IMMP2L: variants seen among roughly 807,000 people sequenced by gnomAD.
The protein encoded by IMMP2L is inner mitochondrial membrane peptidase subunit 2.
A neutral mutation model predicts 19.3 loss-of-function variants in IMMP2L; 18 were observed. That is an observed-to-expected ratio of 0.93 (90% CI 0.64 to 1.38). IMMP2L has a LOEUF of 1.38. IMMP2L is among the 40% of genes most tolerant of loss of function. The probability of loss-of-function intolerance (pLI) is 0.00; values close to 1 mark genes in which losing one functional copy is unlikely to be tolerated. For missense variants in IMMP2L, 233 were observed against 218.2 expected (o/e 1.07, Z -0.43); for synonymous variants, 76 against 73.0 (o/e 1.04, Z -0.21).
chr7:110,837,582 G>C (rs543152923), intron 5 of IMMP2L, among the ~76,000 whole-genome samples: 77 of 152,082 alleles, frequency 5.1e-4, no homozygotes, highest in Non-Finnish European at 9.0e-4. Context: ...CTTCCGTAGG[G>C]TTCTATTTGG....
chr7:110,862,875 G>A (rs781670695), intron 5 of IMMP2L, among the ~76,000 whole-genome samples: 3 of 151,770 alleles, frequency 2.0e-5, no homozygotes, highest in Non-Finnish European at 2.9e-5. Context: ...GAAAATAAAC[G>A]TCTCTCCCTA....
intron 3 of IMMP2L, among the ~76,000 whole-genome samples, chr7:111,134,146 C>T (rs765157219): frequency 6.6e-6 from 1 of 151,852 alleles, no homozygotes; most frequent in Non-Finnish European, 1.5e-5. Flanking sequence ...AGAAATTTCA[C>T]AAATATGTTA....
intron 3 of IMMP2L, among the ~76,000 whole-genome samples, chr7:111,014,477 T>C (rs1368981086): frequency 6.6e-6 from 1 of 152,130 alleles, no homozygotes; most frequent in African/African-American, 2.4e-5. Context: ...TTTGAATCAC[T>C]GAACTCTGTT....
Position 111,418,812 on chromosome 7 carries a change from T to A in IMMP2L, c.239+68426A>T, listed in dbSNP as rs139566009. On this transcript the variant is annotated intron_variant, in intron 3 of 5. Transcript: ENST00000405709. Reference sequence around the variant, plus strand: ...TAAAACAAACATTTGTAAAACCACCTTTTTGTACTATGAAAATTATATTTG... The same window carrying A: ...TAAAACAAACATTTGTAAAACCACCATTTTGTACTATGAAAATTATATTTG... 1.8e-3 allele frequency among the ~76,000 whole-genome samples: 274 copies of A among 151,898 alleles called. 7 individuals carry two copies. Among genetic ancestry groups the A allele is most frequent in the African/African-American group, 6.3e-3 (262 of 41,262 alleles).
intron 2 of IMMP2L, among the ~76,000 whole-genome samples, chr7:111,507,154 A>G (rs1466073562): frequency 2.6e-5 from 4 of 152,152 alleles, no homozygotes; most frequent in African/African-American, 7.2e-5. Context: ...AGGTCTTAAT[A>G]AAGAGTCTTC....
At chr7:111,058,776 C>G (rs1793742634) in intron 3 of IMMP2L, among the ~76,000 whole-genome samples, 1 of 152,152 alleles carries the variant, frequency 6.6e-6, no homozygotes. Context: ...CCACCCCCAA[C>G]AAATGACCCA....
chr7:110,956,215 C>T (rs1818338124), intron 4 of IMMP2L, among the ~76,000 whole-genome samples: 1 of 151,962 alleles, frequency 6.6e-6, no homozygotes, highest in Admixed American at 6.6e-5. Context: ...AGTCCTTAGA[C>T]TCAAAGACAA....
intron 3 of IMMP2L, among the ~76,000 whole-genome samples, chr7:111,072,324 A>G (rs1586084200): frequency 6.6e-6 from 1 of 152,246 alleles, no homozygotes; most frequent in African/African-American, 2.4e-5. Context: ...AATACTTAAT[A>G]CCAGAAAAAG....
chr7:111,173,989 C>G (rs1381680593), intron 3 of IMMP2L, among the ~76,000 whole-genome samples: 9 of 151,682 alleles, frequency 5.9e-5, no homozygotes, highest in Admixed American at 3.3e-4. Flanking sequence ...TCAACATCAA[C>G]CCTTCTCATA....
At chr7:111,289,346 C>T (rs1820838566) in intron 3 of IMMP2L, among the ~76,000 whole-genome samples, 1 of 151,536 alleles carries the variant, frequency 6.6e-6, no homozygotes, top group Non-Finnish European at 1.5e-5. Flanking sequence ...TGCAACAAAC[C>T]ACCATGGTAT....
At chr7:111,080,613 G>C (rs146884390) in intron 3 of IMMP2L, among the ~76,000 whole-genome samples, 251 of 152,122 alleles carry the variant, frequency 1.6e-3, no homozygotes, top group African/African-American at 5.6e-3. Flanking sequence ...AGACTTTTTA[G>C]CTAATTGTCT....
chr7:110,808,718 G>A (rs1801808875), intron 5 of IMMP2L, among the ~76,000 whole-genome samples: 2 of 152,046 alleles, frequency 1.3e-5, no homozygotes, highest in South Asian at 4.1e-4. Flanking sequence ...AATGCTCTCT[G>A]CATCTATCAG....
At chr7:111,252,634 G>A (rs1348721874) in intron 3 of IMMP2L, among the ~76,000 whole-genome samples, 1 of 152,118 alleles carries the variant, frequency 6.6e-6, no homozygotes, top group Non-Finnish European at 1.5e-5. Context: ...TAGGTTTGAA[G>A]CCAACACTAA....
chr7:111,342,069 A>C (rs1037389796), intron 3 of IMMP2L, among the ~76,000 whole-genome samples: 2 of 152,146 alleles, frequency 1.3e-5, no homozygotes, highest in African/African-American at 2.4e-5. Flanking sequence ...AAACAGGCCA[A>C]GACAGGTATT....
intron 3 of IMMP2L, among the ~76,000 whole-genome samples, chr7:111,218,335 T>G (rs1812174160): frequency 6.6e-6 from 1 of 152,100 alleles, no homozygotes. Flanking sequence ...TTATGAAAAT[T>G]AATGTCTTCC....
intron 3 of IMMP2L, among the ~76,000 whole-genome samples, chr7:111,029,711 A>T (rs1827207451): frequency 6.6e-6 from 1 of 152,194 alleles, no homozygotes; most frequent in Non-Finnish European, 1.5e-5. Flanking sequence ...GTTAGAAAAC[A>T]AGGTATTTGG....
chr7:111,305,123 G>A (rs1822721756), intron 3 of IMMP2L, among the ~76,000 whole-genome samples: 4 of 151,942 alleles, frequency 2.6e-5, no homozygotes, highest in East Asian at 3.9e-4. Flanking sequence ...GCTATGAAAT[G>A]GCATCTCCAG....
Position 110,940,210 on chromosome 7 carries a change from T to A in IMMP2L, c.305+23290A>T, listed in dbSNP as rs764592593. Among the ~76,000 whole-genome samples, 5 of 151,884 alleles carry A rather than the reference T, an allele frequency of 3.3e-5. No homozygotes were observed. The East Asian group carries it at 9.7e-4, about 29-fold the overall frequency. ...GGCAGGTGCCTGTAATCCTAGCTTA[T>A]TGGGAGGGTGAGGCAGGAGAATTGC... is the stretch of plus-strand genomic sequence containing the variant. On this transcript the variant is annotated intron_variant, in intron 4 of 5. Transcript: ENST00000405709.
chr7:110,691,550 G>C (rs1917720), intron 5 of IMMP2L, among the ~76,000 whole-genome samples: 1 of 152,098 alleles, frequency 6.6e-6, no homozygotes, highest in Admixed American at 6.6e-5. Flanking sequence ...AAATATTTGC[G>C]AACTACACAT....
Sources: allele counts gnomAD v4.1 joint callset (sites outside exome capture counted in the v4.1 genomes callset), GRCh38; gene constraint gnomAD v4.1.1; transcripts MANE v1.5; gene names NCBI Gene and HGNC (gene_info 2026-07-23, HGNC 2026-07-21).